LRFN5: variants seen among roughly 807,000 people sequenced by gnomAD.
LRFN5 encodes leucine-rich repeat and fibronectin type-III domain-containing protein 5.
In LRFN5, 24 loss-of-function variants were observed where a neutral mutation model predicts 45.6. The ratio of observed to expected loss-of-function variants is 0.53; its 90% confidence interval spans 0.38 to 0.74. LRFN5 has a LOEUF of 0.74. Ranked by LOEUF, LRFN5 falls within the 30% of genes least tolerant of loss-of-function variation. The pLI is 0.00. For missense variants in LRFN5, 776 were observed against 861.5 expected (o/e 0.90, Z 1.24); for synonymous variants, 340 against 313.8 (o/e 1.08, Z -0.88).
At chr14:41,623,815 GTGGAGA>G (rs1313478150) in intron 1 of LRFN5, among the ~76,000 whole-genome samples, 1 of 151,982 alleles carries the variant, frequency 6.6e-6, no homozygotes, top group Non-Finnish European at 1.5e-5. Flanking sequence ...CTTCAATATT[GTGGAGA>G]TGGAAATCTG....
intron 1 of LRFN5, among the ~76,000 whole-genome samples, chr14:41,766,080 A>G (rs1001670717): frequency 2.6e-5 from 4 of 152,158 alleles, no homozygotes; most frequent in African/African-American, 9.6e-5. Context: ...TTCAGACAAA[A>G]TAAGTTATAG....
chr14:41,740,961 A>T (rs1884664360), intron 1 of LRFN5, among the ~76,000 whole-genome samples: 1 of 152,046 alleles, frequency 6.6e-6, no homozygotes, highest in Non-Finnish European at 1.5e-5. Flanking sequence ...TCAAGAAAAT[A>T]ATTCCATTTA....
chr14:41,804,128 T>G (rs1339391608), intron 2 of LRFN5, among the ~76,000 whole-genome samples: 1 of 152,154 alleles, frequency 6.6e-6, no homozygotes, highest in Non-Finnish European at 1.5e-5. Flanking sequence ...CTGAAAGTGC[T>G]GGGGTTGCAG....
intron 2 of LRFN5, among the ~76,000 whole-genome samples, chr14:41,817,043 C>T (rs528899367): frequency 9.8e-5 from 12 of 121,838 alleles, no homozygotes; most frequent in African/African-American, 3.4e-4. Context: ...CAGATTCTTT[C>T]CTCCGCTGTG....
rs117415727 is a variant in LRFN5 at position 41,879,593 on chromosome 14, A to G, written c.-20-7013A>G. On this transcript the variant is annotated intron_variant, in intron 2 of 5. Transcript: ENST00000298119. ...AAATTGTATACATAACTGATATGCT[A>G]TATATTTATATTATGATAGATATGT... Among the ~76,000 whole-genome samples, 1,051 of 151,362 alleles carry G rather than the reference A, an allele frequency of 6.9e-3. 47 individuals are homozygous for G. The highest frequency in any genetic ancestry group is 0.054 in the Admixed American group (823 of 15,194).
chr14:41,639,924 AG>A lies in LRFN5; in HGVS notation c.-197+31363del, dbSNP rs1488999079. On this transcript the variant is annotated intron_variant, in intron 1 of 5. Coordinates refer to ENST00000298119, the MANE Select transcript of LRFN5 (RefSeq NM_152447.5). ...CAGCCTCCACAGTAATTGGGACTAC[AG>A]ATGGATGCCAACATGACTGGCTAAT... 1.0e-4 allele frequency among the ~76,000 whole-genome samples: 15 copies of A among 149,504 alleles called. No individual in the cohort carries two copies. The East Asian group carries it at 2.9e-3, about 29-fold the overall frequency.
chr14:41,898,853 G>T, intron 4 of LRFN5, 64 bp from the exon 5 acceptor site: 5 of 1,432,870 alleles, frequency 3.5e-6, no homozygotes, highest in Non-Finnish European at 3.9e-6. Flanking sequence ...TCAGTAAGAG[G>T]TTTTTTGAAT....
chr14:41,867,690 C>A (rs79165134), intron 2 of LRFN5, among the ~76,000 whole-genome samples: 2,132 of 152,222 alleles, frequency 0.014, 24 homozygotes, highest in Middle Eastern at 0.027. Flanking sequence ...TCCATCAGAT[C>A]TCTGCCATTT....
chr14:41,852,828 G>A (rs1241008336), intron 2 of LRFN5, among the ~76,000 whole-genome samples: 1 of 151,868 alleles, frequency 6.6e-6, no homozygotes, highest in African/African-American at 2.4e-5. Flanking sequence ...CCAATGAAAT[G>A]TCACATTGTG....
intron 2 of LRFN5, among the ~76,000 whole-genome samples, chr14:41,864,007 C>T (rs1307183786): frequency 2.0e-5 from 3 of 152,144 alleles, no homozygotes; most frequent in African/African-American, 7.2e-5. Flanking sequence ...ATGAACTCAT[C>T]CTTTTCTTTA....
chr14:41,856,471 G>A (rs1190747740), intron 2 of LRFN5, among the ~76,000 whole-genome samples: 1 of 151,890 alleles, frequency 6.6e-6, no homozygotes, highest in South Asian at 2.1e-4. Context: ...CCGTCAAGGA[G>A]TTAAAGCCCT....
intron 2 of LRFN5, among the ~76,000 whole-genome samples, chr14:41,784,402 TA>T (rs1021235902): frequency 2.0e-5 from 3 of 151,886 alleles, no homozygotes; most frequent in Non-Finnish European, 4.4e-5. Context: ...TCTTTTTTTT[TA>T]AAAAAACACA....
At chr14:41,699,181 T>C (rs1197021550) in intron 1 of LRFN5, among the ~76,000 whole-genome samples, 1 of 152,084 alleles carries the variant, frequency 6.6e-6, no homozygotes, top group Non-Finnish European at 1.5e-5. Flanking sequence ...AGATTTTTAT[T>C]AAAATGAATA....
chr14:41,725,593 T>A (rs1265850038), intron 1 of LRFN5, among the ~76,000 whole-genome samples: 1 of 152,192 alleles, frequency 6.6e-6, no homozygotes, highest in Non-Finnish European at 1.5e-5. Flanking sequence ...TTCTTTAATG[T>A]ATACATCTTG....
intron 1 of LRFN5, among the ~76,000 whole-genome samples, chr14:41,630,641 T>C (rs577289238): frequency 1.8e-4 from 27 of 152,222 alleles, no homozygotes; most frequent in Middle Eastern, 3.4e-3. Flanking sequence ...TATTTTGCAC[T>C]ATATACTTTT....
intron 1 of LRFN5, among the ~76,000 whole-genome samples, chr14:41,625,326 G>A (rs1004994768): frequency 6.6e-6 from 1 of 152,094 alleles, no homozygotes; most frequent in Non-Finnish European, 1.5e-5. Context: ...GTGATAGTGG[G>A]TGAGTTCTCA....
At chr14:41,734,072 C>T (rs1884300750) in intron 1 of LRFN5, among the ~76,000 whole-genome samples, 1 of 136,974 alleles carries the variant, frequency 7.3e-6, no homozygotes, top group Non-Finnish European at 1.5e-5. Flanking sequence ...ATTGCCCAGG[C>T]TGGGGTGCAA....
intron 2 of LRFN5, among the ~76,000 whole-genome samples, chr14:41,802,190 A>T (rs2138970564): frequency 6.6e-6 from 1 of 152,264 alleles, no homozygotes; most frequent in Non-Finnish European, 1.5e-5. Context: ...TTACTTAGGG[A>T]CTATTGCAAT....
intron 2 of LRFN5, among the ~76,000 whole-genome samples, chr14:41,799,072 A>G (rs1376121906): frequency 6.6e-6 from 1 of 151,906 alleles, no homozygotes; most frequent in Admixed American, 6.6e-5. Flanking sequence ...ACTTAGTTGT[A>G]TGTCCAAACT....
Sources: gnomAD v4.1 joint callset for allele counts (sites outside exome capture counted in the v4.1 genomes callset) on GRCh38, gnomAD v4.1.1 for gene constraint, MANE v1.5 for transcripts, NCBI Gene and HGNC (gene_info 2026-07-23, HGNC 2026-07-21) for gene names.